RAB3GAP2: variants seen among roughly 807,000 people sequenced by gnomAD.
RAB3GAP2 encodes the protein RAB3 GTPase activating non-catalytic protein subunit 2.
Under a neutral mutation model 185.3 loss-of-function variants are expected in RAB3GAP2, and 87 were observed. The ratio of observed to expected loss-of-function variants is 0.47; its 90% confidence interval spans 0.39 to 0.56. RAB3GAP2 has a LOEUF of 0.56. Among genes scored for constraint, RAB3GAP2 ranks in the 20% least tolerant of loss-of-function variants. RAB3GAP2 has a pLI of 0.00. For missense variants in RAB3GAP2, 1,492 were observed against 1,638.2 expected (o/e 0.91, Z 1.54); for synonymous variants, 554 against 576.1 (o/e 0.96, Z 0.55).
At chr1:220,193,144 CAG>C in intron 13 of RAB3GAP2, 94 bp downstream of exon 13, 5 of 1,463,016 alleles carry the variant, frequency 3.4e-6, no homozygotes, top group Non-Finnish European at 4.8e-6. Context: ...AAGAATTAAA[CAG>C]AGTTATCATC....
chr1:220,264,993 A>G (rs1352494050), intron 1 of RAB3GAP2, among the ~76,000 whole-genome samples: 1 of 152,096 alleles, frequency 6.6e-6, no homozygotes, highest in Non-Finnish European at 1.5e-5. Context: ...TACTACCTGA[A>G]TGAAGAAACT....
At chr1:220,260,500 AAAAC>A (rs754738561) in intron 1 of RAB3GAP2, among the ~76,000 whole-genome samples, 11 of 152,152 alleles carry the variant, frequency 7.2e-5, no homozygotes, top group Non-Finnish European at 1.2e-4. Context: ...CGGGAACAGA[AAAAC>A]AGACACCACA....
Position 220,210,977 on chromosome 1 carries a change from T to TA in RAB3GAP2, c.411dup (p.Ile138TyrfsTer15). On this transcript the variant is annotated frameshift_variant, in exon 5 of 35. Transcript: ENST00000358951. LOFTEE classifies it high-confidence loss of function. Reference sequence around the variant, plus strand: ...TACCTCTTTTGGCTTGCTAGTGGGATACATAGAGCACTGGTTACACATTCC... The same window carrying TA: ...TACCTCTTTTGGCTTGCTAGTGGGATAACATAGAGCACTGGTTACACATTCC... 6.2e-7 allele frequency: 1 copy of TA among 1,613,942 alleles called. No homozygotes were observed. Among genetic ancestry groups the TA allele is most frequent in the East Asian group, 2.2e-5 (1 of 44,858 alleles).
chr1:220,218,955 G>T (rs1303611400), intron 2 of RAB3GAP2, among the ~76,000 whole-genome samples: 3 of 152,076 alleles, frequency 2.0e-5, no homozygotes, highest in Non-Finnish European at 4.4e-5. Context: ...AGGACAAAAA[G>T]CCTCTAATGA....
At chr1:220,255,148 C>T (rs1322794649) in intron 1 of RAB3GAP2, among the ~76,000 whole-genome samples, 1 of 150,802 alleles carries the variant, frequency 6.6e-6, no homozygotes, top group Non-Finnish European at 1.5e-5. Context: ...CTGGAAAAGT[C>T]AATCTTTTAG....
rs1480097177 is a variant in RAB3GAP2, at chr1:220,162,209, A to T, written c.3214T>A (p.Leu1072Ile). The T allele has an allele frequency of 1.3e-6, 2 of 1,573,188 alleles. No homozygotes were observed. The highest frequency in any genetic ancestry group is 4.5e-5 in the East Asian group (2 of 44,502). ...TGAAACTACCTTACCTTATCCATTA[A>T]GTATGTAGCAGCAGAAAATCTTTTA... ...LVKRFSAATY[L>I]MDKVGKSPKD... The change falls in exon 28 of 35, where the codon TTA becomes ATA. Residue 1072 changes from leucine to isoleucine, a missense_variant. Physicochemically the swap from Leu to Ile is conservative, Grantham distance 5. Around this residue, in one of 5 missense-constraint regions of RAB3GAP2, gnomAD observed 387 missense variants for 455.3 expected, o/e 0.85. Coordinates refer to ENST00000358951, the MANE Select transcript of RAB3GAP2 (RefSeq NM_012414.4).
At chr1:220,177,060 C>A (rs1658305556) in intron 21 of RAB3GAP2, among the ~76,000 whole-genome samples, 1 of 152,236 alleles carries the variant, frequency 6.6e-6, no homozygotes, top group East Asian at 1.9e-4. Context: ...AGCTGGGGAC[C>A]CATCCACCTG....
chr1:220,169,470 G>A (rs1658135358), intron 24 of RAB3GAP2, among the ~76,000 whole-genome samples: 1 of 152,202 alleles, frequency 6.6e-6, no homozygotes, highest in Non-Finnish European at 1.5e-5. Flanking sequence ...AGGTTTCCTG[G>A]AGGAGAAGCA....
rs1658593962 is a variant in RAB3GAP2 at position 220,190,436 on chromosome 1, C to T, written c.1572G>A (p.Leu524=). Reference sequence around the variant, plus strand: ...TCACACTTCCAGACACTGGATCAACCAGACAGATCTGATAAGTCTGTGGCT... The same window carrying T: ...TCACACTTCCAGACACTGGATCAACTAGACAGATCTGATAAGTCTGTGGCT... The part of the protein sequence containing the change: ...SWQPQTYQIC[L]VDPVSGSVKT... The change falls in exon 15 of 35, where the codon CTG becomes CTA. Residue 524 remains leucine, a synonymous_variant. Transcript: ENST00000358951. The T allele has an allele frequency of 6.2e-7, 1 of 1,613,830 alleles. No individual in the cohort carries two copies. Among genetic ancestry groups the T allele is most frequent in the Non-Finnish European group, 8.5e-7 (1 of 1,179,864 alleles).
intron 2 of RAB3GAP2, among the ~76,000 whole-genome samples, chr1:220,217,851 T>C (rs888887258): frequency 6.6e-6 from 1 of 152,178 alleles, no homozygotes; most frequent in African/African-American, 2.4e-5. Context: ...TAAAGAGATA[T>C]AAGAACAGAA....
At chr1:220,173,585 C>T (rs1011886429) in intron 21 of RAB3GAP2, among the ~76,000 whole-genome samples, 6 of 152,158 alleles carry the variant, frequency 3.9e-5, no homozygotes, top group African/African-American at 1.2e-4. Flanking sequence ...TTTATGAGGA[C>T]GACTTAGGGC....
At chr1:220,251,085 G>A (rs187722932) in intron 1 of RAB3GAP2, among the ~76,000 whole-genome samples, 3 of 152,294 alleles carry the variant, frequency 2.0e-5, no homozygotes, top group African/African-American at 7.2e-5. Flanking sequence ...CATAAAAGGA[G>A]GCAAGTATTT....
chr1:220,205,267 G>C (rs1658942089), intron 8 of RAB3GAP2, among the ~76,000 whole-genome samples: 1 of 152,014 alleles, frequency 6.6e-6, no homozygotes, highest in Non-Finnish European at 1.5e-5. Flanking sequence ...TGATTATTTG[G>C]GCAGTTTTCA....
chr1:220,165,508 C>T (rs1658047048), intron 26 of RAB3GAP2, among the ~76,000 whole-genome samples: 1 of 152,078 alleles, frequency 6.6e-6, no homozygotes, highest in Non-Finnish European at 1.5e-5. Context: ...ACATCATCAT[C>T]AAACATATCA....
chr1:220,152,394 A>AT (rs1481254876), intron 33 of RAB3GAP2, among the ~76,000 whole-genome samples: 5 of 152,200 alleles, frequency 3.3e-5, no homozygotes, highest in African/African-American at 1.2e-4. Context: ...TGGCTTCTGA[A>AT]TACACTTAGA....
chr1:220,224,435 C>A (rs1336286899), intron 2 of RAB3GAP2, among the ~76,000 whole-genome samples: 5 of 152,028 alleles, frequency 3.3e-5, no homozygotes, highest in Non-Finnish European at 7.4e-5. Flanking sequence ...AAATAAATCA[C>A]AGTACAGCTA....
chr1:220,246,826 C>T (rs1422435121), intron 1 of RAB3GAP2, among the ~76,000 whole-genome samples: 1 of 144,872 alleles, frequency 6.9e-6, no homozygotes, highest in African/African-American at 2.6e-5. Flanking sequence ...TGCTAGATGA[C>T]GAGTTAGTGG....
intron 28 of RAB3GAP2, among the ~76,000 whole-genome samples, 200 bp from the exon 29 acceptor site, chr1:220,159,621 G>A (rs1202995908): frequency 1.3e-5 from 2 of 152,084 alleles, no homozygotes; most frequent in Non-Finnish European, 2.9e-5. Flanking sequence ...CTCACACTGG[G>A]CTCAAGAATA....
intron 26 of RAB3GAP2, among the ~76,000 whole-genome samples, chr1:220,165,922 A>G (rs549189431): frequency 9.2e-5 from 14 of 152,238 alleles, no homozygotes; most frequent in Non-Finnish European, 1.6e-4. Context: ...TTTGGTTTAT[A>G]AACAAATACT....
Sources: allele counts gnomAD v4.1 joint callset (sites outside exome capture counted in the v4.1 genomes callset), GRCh38; gene constraint gnomAD v4.1.1; regional missense constraint gnomAD v4.1.1; transcripts MANE v1.5; gene names NCBI Gene and HGNC (gene_info 2026-07-23, HGNC 2026-07-21).